METTL3: variants seen among roughly 807,000 people sequenced by gnomAD.
METTL3 encodes N(6)-adenosine-methyltransferase catalytic subunit METTL3.
Under a neutral mutation model 64.3 loss-of-function variants are expected in METTL3, and 42 were observed. The observed-to-expected ratio is 0.65, with a 90% CI of 0.51 to 0.84. The LOEUF (loss-of-function observed/expected upper bound fraction) is 0.84, where lower values mean the gene tolerates loss of function less well. Among genes scored for constraint, METTL3 ranks in the 40% least tolerant of loss-of-function variants. The pLI, the probability that METTL3 is intolerant of heterozygous loss-of-function variation, is 0.00. For missense variants in METTL3, 435 were observed against 722.3 expected, an observed-to-expected ratio of 0.60 and a Z score of 4.56; for synonymous variants, 256 against 263.6, an observed-to-expected ratio of 0.97 and a Z score of 0.28.
rs1891614993 is a variant in METTL3, at chr14:21,503,272, C to G, written c.624G>C (p.Glu208Asp). 6.2e-7 allele frequency: 1 copy of G among 1,614,226 alleles called. No homozygotes were observed. Among genetic ancestry groups the G allele is most frequent in the Non-Finnish European group, 8.5e-7 (1 of 1,180,044 alleles). The change falls in exon 3 of 11, where the codon GAG (glutamate) becomes GAC (aspartate). Residue 208 changes from glutamate (E) to aspartate (D), a missense_variant. Physicochemically the swap from Glu to Asp is conservative, Grantham distance 45. Transcript: ENST00000298717. ...CATGTTTCCTTGATTTCTTGGCTGG[C>G]TCCTTTGCTGGTTCCGATGCTGAAG... is the stretch of plus-strand genomic sequence containing the variant. ...LNSSASEPAKEPAKKSRKHAA... is the reference protein window; with the variant it reads ...LNSSASEPAKDPAKKSRKHAA...
intron 1 of METTL3, among the ~76,000 whole-genome samples, chr14:21,507,073 C>T (rs560729102): frequency 1.4e-3 from 217 of 151,928 alleles, no homozygotes; most frequent in African/African-American, 2.7e-3. Context: ...CACAACTACT[C>T]GGGAGGCTGA....
chr14:21,501,958 A>G, intron 3 of METTL3, 55 bp from the exon 4 acceptor site: 1 of 1,505,872 alleles, frequency 6.6e-7, no homozygotes. Flanking sequence ...ATTGGCTCTT[A>G]GACCAACTCC....
chr14:21,504,174 A>G (rs1891641307), intron 1 of METTL3: 8 of 362,120 alleles, frequency 2.2e-5, no homozygotes, highest in South Asian at 2.2e-4. Context: ...ATAGATTTAA[A>G]TATCCCTACC....
intron 8 of METTL3, 45 bp downstream of exon 8, chr14:21,499,444 ATTC>A (rs1354136744): frequency 4.4e-6 from 7 of 1,607,316 alleles, no homozygotes; most frequent in Non-Finnish European, 6.0e-6. Flanking sequence ...AAATCAAATG[ATTC>A]TTCTTTGTGC....
At position 21,498,363 on chromosome 14, in the gene METTL3, G is replaced by A; in HGVS notation, c.1638C>T (p.Thr546=). ...GGATCCCATCCAGTTGGTTTCCAAG[G>A]GTGATCCTGAAACAGTGTAAAAGGA... ...RPHNVQPNWI[T]LGNQLDGIHL... is the part of the protein sequence containing the mutation. Residue 546 remains threonine, a synonymous_variant, in exon 11 of 11, where the codon ACC becomes ACT. Transcript: ENST00000298717. 2 of 1,614,098 alleles carry A rather than the reference G, an allele frequency of 1.2e-6. No homozygotes were observed. Among genetic ancestry groups the A allele is most frequent in the East Asian group, 2.2e-5 (1 of 44,868 alleles).
chr14:21,507,957 ATACTTT>A (rs898254577), intron 1 of METTL3: 10 of 152,144 alleles, frequency 6.6e-5, no homozygotes, highest in African/African-American at 2.4e-4. Context: ...AACCCCAAAA[ATACTTT>A]TATAAGAGTC....
In METTL3 at chr14:21,501,105, A is replaced by G. The variant is rs1314726003; in HGVS notation, c.924T>C (p.Asp308=). The part of the protein sequence containing the change: ...HFRRIINKHT[D]ESLGDCSFLN... ...GGAAAGAGCAGTCACCTAAAGACTC[A>G]TCAGTGTGTTTATTGATAATTCGTC... Residue 308 remains aspartate, a synonymous_variant, in exon 5 of 11, where the codon GAT becomes GAC. Coordinates refer to ENST00000298717, the MANE Select transcript of METTL3 (RefSeq NM_019852.5). 6.2e-7 allele frequency: 1 copy of G among 1,612,884 alleles called. No individual in the cohort carries two copies. The highest frequency in any genetic ancestry group is 8.5e-7 in the Non-Finnish European group (1 of 1,179,124).
rs193268017 is a variant in METTL3, at chr14:21,502,051, T to C, written c.724-148A>G. On this transcript the variant is annotated intron_variant, in intron 3 of 10. Transcript: ENST00000298717. ...TTTTTTTTAAGAGATGGGATCTTGC[T>C]GTCACCCAGGCCAGAGTGTAGTTGT... The C allele has an allele frequency of 5.7e-4, 379 of 670,306 alleles. 3 individuals are homozygous for C. The African/African-American group carries it at 6.6e-3, about 12-fold the overall frequency. The allele number at this position is 670,306 out of a possible 1,614,324, so 41.5% of individuals were successfully genotyped here.
Position 21,501,834 on chromosome 14 carries a change from G to A in METTL3, c.793C>T (p.Arg265Cys), listed in dbSNP as rs766575495. The A allele has an allele frequency of 2.5e-6, 4 of 1,614,094 alleles. No individual in the cohort carries two copies. Among genetic ancestry groups the A allele is most frequent in the South Asian group, 2.2e-5 (2 of 91,072 alleles). ...TGCACTTGGGCCCGACCTCGAGAGC[G>A]AAATTTTTCAACAATGGATTGTTCC... ...AKEQSIVEKF[R>C]SRGRAQVQEF... Residue 265 changes from arginine to cysteine, a missense_variant, in exon 4 of 11, where the codon CGC (arginine) becomes TGC (cysteine). This residue lies in a region of METTL3 where 40 missense variants were observed against 89.6 expected (regional missense o/e 0.45). Coordinates refer to ENST00000298717, the MANE Select transcript of METTL3 (RefSeq NM_019852.5).
chr14:21,508,864 G>A (rs1263798), intron 1 of METTL3, among the ~76,000 whole-genome samples: 139,129 of 152,228 alleles, frequency 0.91, 63,685 homozygotes, highest in Middle Eastern at 0.96. Context: ...ATTGCACTCT[G>A]GCCTGGGCAA....
intron 1 of METTL3, chr14:21,504,695 C>T (rs570245439): frequency 1.4e-4 from 21 of 152,160 alleles, no homozygotes; most frequent in African/African-American, 4.8e-4. Flanking sequence ...CTCTGGGAGG[C>T]CAAGGTGGGT....
Position 21,503,375 on chromosome 14 carries a change from GT to G in METTL3, c.520del (p.Thr174GlnfsTer14). 1 of 1,614,172 alleles carries G rather than the reference GT, an allele frequency of 6.2e-7. No individual in the cohort carries two copies. Among genetic ancestry groups the G allele is most frequent in the Non-Finnish European group, 8.5e-7 (1 of 1,180,020 alleles). ...KGPGEVAGTVTGQKRRAEQDS... is the reference protein window; with the variant it reads ...KGPGEVAGTVXGQKRRAEQDS... ...CTGTTCTGCACGCCGCTTCTGCCCT[GT>G]GACAGTCCCTGCTACCTCCCCAGGG... On this transcript the variant is annotated frameshift_variant, in exon 3 of 11. Transcript: ENST00000298717. LOFTEE classifies it high-confidence loss of function.
Position 21,499,091 on chromosome 14 carries a change from TC to T in METTL3, c.1564del (p.Glu522LysfsTer36). 2 of 1,614,182 alleles carry T rather than the reference TC, an allele frequency of 1.2e-6. No individual in the cohort carries two copies. The highest frequency in any genetic ancestry group is 1.7e-6 in the Non-Finnish European group (2 of 1,180,018). The part of the protein sequence containing the change: ...HKPDEIYGMI[E>X]RLSPGTRKIE... The stretch of plus-strand genomic sequence containing the variant: ...CTTGCGAGTGCCAGGAGATAGTCTT[TC>T]AATCATGCCATAGATTTCATCTGGT... On this transcript the variant is annotated frameshift_variant, in exon 10 of 11. Transcript: ENST00000298717. LOFTEE classifies it high-confidence loss of function.
intron 1 of METTL3, among the ~76,000 whole-genome samples, chr14:21,506,549 G>A (rs543161199): frequency 1.3e-5 from 2 of 152,094 alleles, no homozygotes; most frequent in Admixed American, 6.5e-5. Context: ...GCGAGACTCC[G>A]TCTCAAGAAA....
intron 1 of METTL3, 171 bp from the exon 2 acceptor site, chr14:21,504,052 A>C: frequency 1.6e-6 from 1 of 608,008 alleles, no homozygotes; most frequent in Non-Finnish European, 2.9e-6. Flanking sequence ...TAAAACATTC[A>C]CTGCTTTGTC....
chr14:21,511,313 C>G lies in METTL3; in HGVS notation c.-90G>C. 6.7e-7 allele frequency: 1 copy of G among 1,500,894 alleles called. No homozygotes were observed. The highest frequency in any genetic ancestry group is 8.9e-7 in the Non-Finnish European group (1 of 1,120,166). 93.0% of individuals were successfully genotyped at this position (1,500,894 alleles called of 1,614,324 possible). A position where few individuals can be genotyped will look rare whatever the true frequency, so the allele number is the denominator to read the frequency against. ...CTCCAGGATATAGCCAATTCTCACG[C>G]GGACACCCCGAAGGCTAACCGGAAA... On this transcript the variant is annotated 5_prime_UTR_variant, in exon 1 of 11. Coordinates refer to ENST00000298717, the MANE Select transcript of METTL3 (RefSeq NM_019852.5).
Position 21,499,379 on chromosome 14 carries a change from C to T in METTL3, c.1453-8G>A. On this transcript the variant is annotated splice_polypyrimidine_tract_variant and splice_region_variant and intron_variant, in intron 8 of 10. Coordinates refer to ENST00000298717, the MANE Select transcript of METTL3 (RefSeq NM_019852.5). ...ATTTCCTTTGACACCAACCTGCTCA[C>T]CACAGATAACAGATTACCTTATGAA... is the stretch of plus-strand genomic sequence containing the variant. 1 of 1,614,148 alleles carries T rather than the reference C, an allele frequency of 6.2e-7. No homozygotes were observed. The highest frequency in any genetic ancestry group is 8.5e-7 in the Non-Finnish European group (1 of 1,180,008).
At chr14:21,503,624 T>C (rs753515263) in intron 2 of METTL3, 40 bp downstream of exon 2, 15 of 1,613,520 alleles carry the variant, frequency 9.3e-6, no homozygotes, top group Non-Finnish European at 1.0e-5. Flanking sequence ...GACCGTGAAC[T>C]GAAAATAAGT....
intron 1 of METTL3, chr14:21,504,810 C>G (rs1397364744): frequency 1.3e-5 from 2 of 151,106 alleles, no homozygotes; most frequent in East Asian, 3.9e-4. Flanking sequence ...GGTGGTGATG[C>G]AAGGTTATAA....
Sources: gnomAD v4.1 joint callset for allele counts (sites outside exome capture counted in the v4.1 genomes callset) on GRCh38, gnomAD v4.1.1 for gene constraint, gnomAD v4.1.1 regional missense constraint, MANE v1.5 for transcripts, NCBI Gene and HGNC (gene_info 2026-07-23, HGNC 2026-07-21) for gene names.